Variants in C9orf85 observed in about 807,000 individuals in gnomAD.
C9orf85 encodes chromosome 9 open reading frame 85.
In C9orf85, 16 loss-of-function variants were observed where a neutral mutation model predicts 14.9. The ratio of observed to expected loss-of-function variants is 1.08; its 90% CI spans 0.73 to 1.63. C9orf85 has a LOEUF of 1.63. Ranked by LOEUF, C9orf85 falls within the 40% of genes most tolerant of loss-of-function variation. The pLI is 0.00. For missense variants in C9orf85, 172 were observed against 186.1 expected, an observed-to-expected ratio of 0.92 and a Z score of 0.44; for synonymous variants, 45 against 56.8, an observed-to-expected ratio of 0.79 and a Z score of 0.93.
At chr9:71,956,542 C>A (rs1396125919) in intron 2 of C9orf85, among the ~76,000 whole-genome samples, 1 of 151,934 alleles carries the variant, frequency 6.6e-6, no homozygotes, top group African/African-American at 2.4e-5. Flanking sequence ...GACCACTGCA[C>A]CCGGCCCACA....
intron 1 of C9orf85, among the ~76,000 whole-genome samples, chr9:71,927,802 TATATA>T (rs1247622648): frequency 1.3e-5 from 2 of 152,208 alleles, no homozygotes; most frequent in African/African-American, 4.8e-5. Flanking sequence ...TAGTAGTATT[TATATA>T]ATATAACATT....
intron 2 of C9orf85, among the ~76,000 whole-genome samples, chr9:71,960,694 C>T (rs113506015): frequency 0.014 from 2,173 of 151,956 alleles, 48 homozygotes; most frequent in African/African-American, 0.049. Flanking sequence ...ATTCAGGCGC[C>T]TGCCACCATG....
At chr9:71,973,797 A>AT (rs1484317475), downstream of C9orf85, among the ~76,000 whole-genome samples, 6 of 144,772 alleles carry the variant, frequency 4.1e-5, no homozygotes, top group African/African-American at 7.6e-5. Context: ...TATTGTCTTA[A>AT]TTTTTTTACT....
intron 2 of C9orf85, among the ~76,000 whole-genome samples, chr9:71,958,372 C>T (rs1444001267): frequency 2.0e-5 from 3 of 151,300 alleles, no homozygotes; most frequent in African/African-American, 4.9e-5. Context: ...AAGCCATTCT[C>T]CAGCCTCAGC....
intron 1 of C9orf85, among the ~76,000 whole-genome samples, chr9:71,940,830 TGAATA>T (rs1248388453): frequency 1.3e-5 from 2 of 152,332 alleles, no homozygotes; most frequent in Non-Finnish European, 2.9e-5. Context: ...ATTGGTGAAT[TGAATA>T]AACATTATGG....
intron 2 of C9orf85, among the ~76,000 whole-genome samples, chr9:71,962,693 AGAG>A (rs1170531997): frequency 6.6e-6 from 1 of 152,252 alleles, no homozygotes; most frequent in Non-Finnish European, 1.5e-5. Context: ...CTAAGAAGAT[AGAG>A]GAGAAATTTT....
At chr9:71,983,811 T>C (rs756810810), downstream of C9orf85, 2 of 152,092 alleles carry the variant, frequency 1.3e-5, no homozygotes, top group Non-Finnish European at 2.9e-5. Context: ...ACAGGGGAGG[T>C]AAGGGAAGTG....
At chr9:71,918,714 C>G (rs867761601) in intron 1 of C9orf85, among the ~76,000 whole-genome samples, 21 of 152,252 alleles carry the variant, frequency 1.4e-4, no homozygotes, top group Non-Finnish European at 2.4e-4. Context: ...GCCGTGTGCT[C>G]CTTATGAGAA....
At chr9:71,920,238 A>C in intron 1 of C9orf85, among the ~76,000 whole-genome samples, 1 of 152,182 alleles carries the variant, frequency 6.6e-6, no homozygotes, top group East Asian at 1.9e-4. Context: ...TTTTATGTCT[A>C]ATACATGACA....
chr9:71,935,752 A>G (rs1485280496), intron 1 of C9orf85, among the ~76,000 whole-genome samples: 2 of 152,168 alleles, frequency 1.3e-5, no homozygotes, highest in Non-Finnish European at 2.9e-5. Flanking sequence ...AGGGACAATG[A>G]GAGTTATGTG....
At chr9:71,976,157 C>A (rs1327524487), downstream of C9orf85, among the ~76,000 whole-genome samples, 1 of 152,108 alleles carries the variant, frequency 6.6e-6, no homozygotes, top group African/African-American at 2.4e-5. Flanking sequence ...CCTTCTAGTC[C>A]AAAAGCTGTT....
At chr9:71,980,014 T>G (rs1589278524) in intron 3 of C9orf85, among the ~76,000 whole-genome samples, 1 of 91,554 alleles carries the variant, frequency 1.1e-5, no homozygotes, top group African/African-American at 4.2e-5. Context: ...TTTTTCTTTT[T>G]TCTTTTTTTT....
chr9:71,922,531 C>G (rs1827838144), intron 1 of C9orf85, among the ~76,000 whole-genome samples: 1 of 152,160 alleles, frequency 6.6e-6, no homozygotes, highest in African/African-American at 2.4e-5. Flanking sequence ...CACCCCTCTC[C>G]CATGTAGAAC....
intron 2 of C9orf85, among the ~76,000 whole-genome samples, chr9:71,953,942 T>C (rs568628676): frequency 1.8e-4 from 27 of 151,932 alleles, no homozygotes; most frequent in African/African-American, 6.5e-4. Flanking sequence ...CTACAAATAA[T>C]TTTAAAAATT....
intron 2 of C9orf85, among the ~76,000 whole-genome samples, chr9:71,952,510 G>A (rs1052733529): frequency 6.6e-5 from 10 of 152,110 alleles, no homozygotes; most frequent in South Asian, 4.2e-4. Context: ...GACTACAGAC[G>A]CCCACCACCA....
chr9:71,946,955 A>G (rs1564091781), intron 1 of C9orf85, 51 bp from the exon 2 acceptor site: 2 of 1,298,736 alleles, frequency 1.5e-6, no homozygotes, highest in South Asian at 1.2e-5. Context: ...GGGATTTGCA[A>G]TGCTGGCTCA....
chr9:71,922,997 G>A (rs986556697), intron 1 of C9orf85, among the ~76,000 whole-genome samples: 1 of 152,186 alleles, frequency 6.6e-6, no homozygotes, highest in Non-Finnish European at 1.5e-5. Context: ...GGGCGTGGTG[G>A]TGCACGCCTG....
At chr9:71,978,741 A>G (rs1381634913) in intron 3 of C9orf85, among the ~76,000 whole-genome samples, 1 of 152,064 alleles carries the variant, frequency 6.6e-6, no homozygotes, top group African/African-American at 2.4e-5. Flanking sequence ...AGCACTTAAA[A>G]TTTGTTTATT....
chr9:71,930,700 G>C lies in C9orf85; in HGVS notation c.103-16306G>C, dbSNP rs1828050392. Among the ~76,000 whole-genome samples, 3 of 151,030 alleles carry C rather than the reference G, an allele frequency of 2.0e-5. No homozygotes were observed. In the South Asian group the frequency reaches 6.3e-4, roughly 32 times the overall value. ...CATGCCTGTGGTCCCAGCTACTAGG[G>C]AGGCTGAAGTGAAAGGATCACTTGA... is the stretch of plus-strand genomic sequence containing the variant. On this transcript the variant is annotated intron_variant, in intron 1 of 3. Coordinates refer to ENST00000334731, the MANE Select transcript of C9orf85 (RefSeq NM_182505.5).
Sources: allele counts gnomAD v4.1 joint callset (sites outside exome capture counted in the v4.1 genomes callset), GRCh38; gene constraint gnomAD v4.1.1; transcripts MANE v1.5; gene names NCBI Gene and HGNC (gene_info 2026-07-23, HGNC 2026-07-21).